LIM2: variants seen among roughly 807,000 people sequenced by gnomAD.
The protein encoded by LIM2 is lens fiber membrane intrinsic protein.
Under a neutral mutation model 19.0 loss-of-function variants are expected in LIM2, and 14 were observed. The ratio of observed to expected loss-of-function variants is 0.74; its 90% CI spans 0.49 to 1.15. The LOEUF (loss-of-function observed/expected upper bound fraction) is 1.15. Ranked by LOEUF, LIM2 falls within the 50% of genes most tolerant of loss-of-function variation. The probability of loss-of-function intolerance (pLI) is 0.00; values close to 1 mark genes in which losing one functional copy is unlikely to be tolerated. For missense variants in LIM2, 230 were observed against 243.5 expected (o/e 0.94, Z 0.37); for synonymous variants, 78 against 89.6 (o/e 0.87, Z 0.73).
Position 51,380,144 on chromosome 19 carries a change from C to T in LIM2, c.*57G>A. ...GATTTCAGGCCTCTAGACCCTCCTCCTCCTCTTCAGTGGCCTCACTTTAAC... is the reference window on the plus strand; with the variant it reads ...GATTTCAGGCCTCTAGACCCTCCTCTTCCTCTTCAGTGGCCTCACTTTAAC... On this transcript the variant is annotated 3_prime_UTR_variant, in exon 5 of 5. Coordinates refer to ENST00000596399, the MANE Select transcript of LIM2 (RefSeq NM_001161748.2). 1 of 1,531,130 alleles carries T rather than the reference C, an allele frequency of 6.5e-7. No individual in the cohort carries two copies. 94.8% of individuals were successfully genotyped at this position (1,531,130 alleles called of 1,614,324 possible). A position where few individuals can be genotyped will look rare whatever the true frequency, so the allele number is the denominator to read the frequency against.
chr19:51,382,671 C>G, intron 2 of LIM2, 104 bp from the exon 3 acceptor site: 2 of 1,463,882 alleles, frequency 1.4e-6, no homozygotes, highest in Non-Finnish European at 1.9e-6. Context: ...TATCCCTAAC[C>G]CAGCTCATCC....
chr19:51,385,521 G>A (rs142235281), intron 2 of LIM2, among the ~76,000 whole-genome samples: 1,958 of 152,062 alleles, frequency 0.013, 39 homozygotes, highest in African/African-American at 0.045. Context: ...GACTCTGTCT[G>A]AAACAAAACA....
chr19:51,381,122 T>C (rs144063168), intron 3 of LIM2, among the ~76,000 whole-genome samples: 3,362 of 151,854 alleles, frequency 0.022, 53 homozygotes, highest in South Asian at 0.043. Context: ...ATCAGCCTGG[T>C]CAACATGGTG....
chr19:51,382,596 C>A, intron 2 of LIM2, 29 bp from the exon 3 acceptor site: 1 of 1,612,554 alleles, frequency 6.2e-7, no homozygotes, highest in African/African-American at 1.3e-5. Context: ...GTCATTCCCA[C>A]ACCTCCCCTG....
At chr19:51,380,482 T>C (rs754024718) in intron 4 of LIM2, 23 bp downstream of exon 4, 11 of 1,613,978 alleles carry the variant, frequency 6.8e-6, no homozygotes, top group Non-Finnish European at 9.3e-6. Flanking sequence ...GGCACTGACC[T>C]TCCCACCCCT....
chr19:51,380,676 A>G (rs745383336), intron 3 of LIM2, 37 bp from the exon 4 acceptor site: 1 of 1,576,704 alleles, frequency 6.3e-7, no homozygotes, highest in East Asian at 2.4e-5. Context: ...GGTGGGACTA[A>G]GGCTGGGTGT....
At chr19:51,382,376 T>A (rs770166623) in intron 3 of LIM2, 42 bp downstream of exon 3, 28 of 1,603,212 alleles carry the variant, frequency 1.7e-5, no homozygotes, top group Non-Finnish European at 2.3e-5. Context: ...GGGTTTGAGA[T>A]GAGAGCGAGG....
At chr19:51,383,083 G>A (rs572407862) in intron 2 of LIM2, among the ~76,000 whole-genome samples, 1 of 119,362 alleles carries the variant, frequency 8.4e-6, no homozygotes, top group East Asian at 2.6e-4. Context: ...CACCCAGGCT[G>A]AAGTGCTGTG....
intron 2 of LIM2, among the ~76,000 whole-genome samples, chr19:51,383,844 T>C (rs544964879): frequency 6.6e-6 from 1 of 152,334 alleles, no homozygotes; most frequent in Non-Finnish European, 1.5e-5. Context: ...CTATTCTGTC[T>C]GCTGGAGCAC....
chr19:51,386,408 G>C (rs1044999477), intron 2 of LIM2, among the ~76,000 whole-genome samples: 1 of 149,994 alleles, frequency 6.7e-6, no homozygotes, highest in African/African-American at 2.4e-5. Context: ...ACAGACGTGA[G>C]CCACCACGCC....
rs376861251 is a variant in LIM2, at chr19:51,387,239, C to T, written c.175+30G>A. 8 of 1,614,106 alleles carry T rather than the reference C, an allele frequency of 5.0e-6. No homozygotes were observed. The highest frequency in any genetic ancestry group is 4.4e-5 in the South Asian group (4 of 91,094). Reference sequence around the variant, plus strand: ...AGGTCCGCCCTGCTCTTTCCCCAGGCGCGGCCTGGACCCTGGCCGGGGGGC... The same window carrying T: ...AGGTCCGCCCTGCTCTTTCCCCAGGTGCGGCCTGGACCCTGGCCGGGGGGC... On this transcript the variant is annotated intron_variant, in intron 2 of 4. Transcript: ENST00000596399.
rs551711094 is a variant in LIM2, at chr19:51,384,256, C to T, written c.176-1689G>A. 2.6e-5 allele frequency among the ~76,000 whole-genome samples: 4 copies of T among 152,008 alleles called. No individual in the cohort carries two copies. In the South Asian group the frequency reaches 8.3e-4, roughly 32 times the overall value. On this transcript the variant is annotated intron_variant, in intron 2 of 4. Transcript: ENST00000596399. Reference sequence around the variant, plus strand: ...GACCAGCCTAGCCAAAATGGAGAAACCCTGTCTCTACTAAAAATACAAAAA... The same window carrying T: ...GACCAGCCTAGCCAAAATGGAGAAATCCTGTCTCTACTAAAAATACAAAAA...
At chr19:51,381,927 G>C (rs35894921) in intron 3 of LIM2, among the ~76,000 whole-genome samples, 14 of 152,152 alleles carry the variant, frequency 9.2e-5, no homozygotes, top group African/African-American at 3.4e-4. Context: ...ATGGGGTTTC[G>C]CCATGTTGGC....
At chr19:51,382,233 G>A (rs973275418) in intron 3 of LIM2, among the ~76,000 whole-genome samples, 185 bp downstream of exon 3, 6 of 151,836 alleles carry the variant, frequency 4.0e-5, no homozygotes, top group Non-Finnish European at 7.4e-5. Flanking sequence ...ACACCAGCTA[G>A]TGTCAGAATA....
At chr19:51,385,899 CTCT>C (rs765726786) in intron 2 of LIM2, among the ~76,000 whole-genome samples, 9 of 152,190 alleles carry the variant, frequency 5.9e-5, no homozygotes, top group Middle Eastern at 3.2e-3. Flanking sequence ...TGACGCTTAG[CTCT>C]TCTTCTCAGC....
chr19:51,387,592 G>A lies in LIM2; in HGVS notation c.-6-143C>T, dbSNP rs781419025. 8.7e-5 allele frequency: 101 copies of A among 1,162,814 alleles called. 1 individual carries two copies. In the South Asian group the frequency reaches 1.4e-3, roughly 16 times the overall value. The allele number at this position is 1,162,814 out of a possible 1,614,324, so 72.0% of individuals were successfully genotyped here. A position where few individuals can be genotyped will look rare whatever the true frequency, so the allele number is the denominator to read the frequency against. ...ACCTAGACGCCTGGGTCCTGGGCGA[G>A]GAGGGGACTGGAGCCCGGACTCCTG... On this transcript the variant is annotated intron_variant, in intron 1 of 4. Coordinates refer to ENST00000596399, the MANE Select transcript of LIM2 (RefSeq NM_001161748.2).
Position 51,385,509 on chromosome 19 carries a change from G to A in LIM2, c.175+1760C>T, listed in dbSNP as rs567675785. On this transcript the variant is annotated intron_variant, in intron 2 of 4. Transcript: ENST00000596399. ...TGCACTCTGGCAGGGGTGACAGAGC[G>A]AGACTCTGTCTGAAACAAAACAAAA... Among the ~76,000 whole-genome samples, 5 of 152,114 alleles carry A rather than the reference G, an allele frequency of 3.3e-5. No homozygotes were observed. In the East Asian group the frequency reaches 5.8e-4, roughly 18 times the overall value.
Position 51,386,416 on chromosome 19 carries a change from G to C in LIM2, c.175+853C>G, listed in dbSNP as rs947511357. On this transcript the variant is annotated intron_variant, in intron 2 of 4. Coordinates refer to ENST00000596399, the MANE Select transcript of LIM2 (RefSeq NM_001161748.2). The stretch of plus-strand genomic sequence containing the variant: ...TGGGATTACAGACGTGAGCCACCAC[G>C]CCTGGCCAAATTTATTAATATGTTA... 2.7e-5 allele frequency among the ~76,000 whole-genome samples: 4 copies of C among 149,368 alleles called. 1 individual carries two copies. The highest frequency in any genetic ancestry group is 9.8e-5 in the African/African-American group (4 of 40,672).
chr19:51,385,313 G>C (rs914660191), intron 2 of LIM2, among the ~76,000 whole-genome samples: 1 of 152,188 alleles, frequency 6.6e-6, no homozygotes, highest in Non-Finnish European at 1.5e-5. Flanking sequence ...CCTGAGGTCA[G>C]GAGTTCGAGA....
Sources: gnomAD v4.1 joint callset for allele counts (sites outside exome capture counted in the v4.1 genomes callset) on GRCh38, gnomAD v4.1.1 for gene constraint, MANE v1.5 for transcripts, NCBI Gene and HGNC (gene_info 2026-07-23, HGNC 2026-07-21) for gene names.